CFTR: variants seen among roughly 807,000 people sequenced by gnomAD.
CFTR encodes CF transmembrane conductance regulator, also known as cystic fibrosis transmembrane conductance regulator.
CFTR carries 181 observed loss-of-function variants against 171.6 expected under a neutral mutation model. That is an observed-to-expected ratio of 1.05 (90% CI 0.93 to 1.19). The LOEUF is 1.19. CFTR is among the 50% of genes most tolerant of loss of function. CFTR has a pLI of 0.00. For synonymous variants in CFTR, 583 were observed against 608.0 expected, an observed-to-expected ratio of 0.96 and a Z score of 0.60; for missense variants, 1,968 against 1,734.7, an observed-to-expected ratio of 1.13 and a Z score of -2.39.
intron 21 of CFTR, among the ~76,000 whole-genome samples, chr7:117,623,696 G>A (rs1743261413): frequency 6.6e-6 from 1 of 152,168 alleles, no homozygotes; most frequent in Non-Finnish European, 1.5e-5. Flanking sequence ...TAGACCTACA[G>A]CACTGTCATT....
At chr7:117,523,117 G>T (rs1198372862) in intron 3 of CFTR, among the ~76,000 whole-genome samples, 1 of 152,162 alleles carries the variant, frequency 6.6e-6, no homozygotes, top group Admixed American at 6.5e-5. Context: ...AATAGCTACT[G>T]TTGTTCAAAG....
chr7:117,514,116 G>A (rs1453630317), intron 3 of CFTR, among the ~76,000 whole-genome samples: 1 of 152,086 alleles, frequency 6.6e-6, no homozygotes, highest in East Asian at 1.9e-4. Context: ...ACTTTTGCTA[G>A]ATCTAAGGTG....
intron 21 of CFTR, among the ~76,000 whole-genome samples, chr7:117,623,687 A>G (rs1792613286): frequency 6.6e-6 from 1 of 152,206 alleles, no homozygotes; most frequent in African/African-American, 2.4e-5. Flanking sequence ...TTGCTAATGT[A>G]GACCTACAGC....
In CFTR at chr7:117,638,002, G is replaced by A. The variant is rs1406638055; in HGVS notation, c.3718-4436G>A. On this transcript the variant is annotated intron_variant, in intron 22 of 26. Transcript: ENST00000003084. ...TTCATAAAAGTATAGAAGTCGGCCA[G>A]TGACTTGGACCCACTTGGAATTTTC... is the stretch of plus-strand genomic sequence containing the variant. Among the ~76,000 whole-genome samples, 4 of 152,222 alleles carry A rather than the reference G, an allele frequency of 2.6e-5. No homozygotes were observed. The East Asian group carries it at 5.8e-4, about 22-fold the overall frequency.
chr7:117,612,464 A>C (rs1327976969), intron 20 of CFTR, among the ~76,000 whole-genome samples: 1 of 152,080 alleles, frequency 6.6e-6, no homozygotes, highest in Non-Finnish European at 1.5e-5. Context: ...TTAGTGAAAA[A>C]CAAAGTATTT....
intron 11 of CFTR, among the ~76,000 whole-genome samples, chr7:117,583,453 T>C (rs1256236568): frequency 6.6e-6 from 1 of 152,170 alleles, no homozygotes; most frequent in African/African-American, 2.4e-5. Flanking sequence ...GTTACTTCAT[T>C]TAGAATAAAT....
At chr7:117,484,365 G>A (rs569337004) in intron 1 of CFTR, among the ~76,000 whole-genome samples, 1 of 152,252 alleles carries the variant, frequency 6.6e-6, no homozygotes, top group South Asian at 2.1e-4. Context: ...TCAGTCCATG[G>A]GCAAATGCCA....
Position 117,592,664 on chromosome 7 carries a change from A to T in CFTR, c.2490+7A>T, listed in dbSNP as rs751864459. On this transcript the variant is annotated splice_region_variant and intron_variant, in intron 14 of 26. Coordinates refer to ENST00000003084, the MANE Select transcript of CFTR (RefSeq NM_000492.4). The stretch of plus-strand genomic sequence containing the variant: ...TAACGAAGAAGACTTAAAGGTAGGT[A>T]TACATCGCTTGGGGGTATTTCACCC... 6.6e-7 allele frequency: 1 copy of T among 1,526,406 alleles called. No homozygotes were observed. The highest frequency in any genetic ancestry group is 2.3e-5 in the Admixed American group (1 of 43,726). 94.6% of individuals were successfully genotyped at this position (1,526,406 alleles called of 1,614,324 possible). A position where few individuals can be genotyped will look rare whatever the true frequency, so the allele number is the denominator to read the frequency against.
intron 3 of CFTR, among the ~76,000 whole-genome samples, chr7:117,514,374 G>A (rs1562885444): frequency 6.6e-6 from 1 of 152,030 alleles, no homozygotes; most frequent in Non-Finnish European, 1.5e-5. Context: ...TGTTCTCAAT[G>A]TTCAACTCCC....
chr7:117,493,346 A>G (rs902089831), intron 1 of CFTR, among the ~76,000 whole-genome samples: 3 of 152,014 alleles, frequency 2.0e-5, no homozygotes, highest in East Asian at 1.9e-4. Flanking sequence ...ACTTAGGTAT[A>G]TGTTGCTTTT....
chr7:117,575,106 C>T (rs1584805082), intron 11 of CFTR, among the ~76,000 whole-genome samples: 1 of 152,000 alleles, frequency 6.6e-6, no homozygotes, highest in East Asian at 1.9e-4. Flanking sequence ...ACATATATAT[C>T]TATAGGTGAA....
At chr7:117,604,057 C>T (rs1792268186) in intron 17 of CFTR, among the ~76,000 whole-genome samples, 1 of 152,188 alleles carries the variant, frequency 6.6e-6, no homozygotes, top group Non-Finnish European at 1.5e-5. Context: ...ATGGGTCAGT[C>T]ATACCTCTCT....
rs866222497 is a variant in CFTR at position 117,491,883 on chromosome 7, C to A, written c.53+11736C>A. ...GATAACACTCTTTAGGAGCAGAATGCGATATGGAAGTAATTTGAGACCATA... is the reference window on the plus strand; with the variant it reads ...GATAACACTCTTTAGGAGCAGAATGAGATATGGAAGTAATTTGAGACCATA... On this transcript the variant is annotated intron_variant, in intron 1 of 26. Coordinates refer to ENST00000003084, the MANE Select transcript of CFTR (RefSeq NM_000492.4). Among the ~76,000 whole-genome samples the A allele has an allele frequency of 2.6e-5, 4 of 151,800 alleles. No homozygotes were observed. In the South Asian group the frequency reaches 8.3e-4, roughly 32 times the overall value.
At chr7:117,567,132 T>C (rs1484108809) in intron 11 of CFTR, among the ~76,000 whole-genome samples, 2 of 152,228 alleles carry the variant, frequency 1.3e-5, no homozygotes, top group East Asian at 1.9e-4. Context: ...AAAGCCATAC[T>C]GTATCATGAC....
chr7:117,600,737 T>C (rs1792210238), intron 15 of CFTR, among the ~76,000 whole-genome samples: 1 of 152,072 alleles, frequency 6.6e-6, no homozygotes, highest in African/African-American at 2.4e-5. Context: ...CTTAAAGCCC[T>C]GAGAAAATGG....
intron 24 of CFTR, among the ~76,000 whole-genome samples, chr7:117,661,065 C>T (rs1198144645): frequency 2.0e-5 from 3 of 152,170 alleles, no homozygotes; most frequent in Non-Finnish European, 4.4e-5. Context: ...TAACTTTGTA[C>T]TTTTCAAAAA....
At chr7:117,490,536 A>G (rs1042384303) in intron 1 of CFTR, among the ~76,000 whole-genome samples, 5 of 151,976 alleles carry the variant, frequency 3.3e-5, no homozygotes, top group African/African-American at 1.2e-4. Flanking sequence ...CAGGCCTTCA[A>G]CCGATTGGAT....
rs184271150 is a variant in CFTR, at chr7:117,652,828, C to A, written c.3874-14C>A. ...GTTATTCATACTTTCTTCTTCTTTT[C>A]TTTTTTGCTATAGAAAGTATTTATT... On this transcript the variant is annotated splice_polypyrimidine_tract_variant and intron_variant, in intron 23 of 26. Transcript: ENST00000003084. The A allele has an allele frequency of 3.1e-6, 4 of 1,270,086 alleles. No individual in the cohort carries two copies. The African/African-American group carries it at 5.9e-5, about 19-fold the overall frequency. The allele number at this position is 1,270,086 out of a possible 1,614,324, so 78.7% of individuals were successfully genotyped here. A position where few individuals can be genotyped will look rare whatever the true frequency, so the allele number is the denominator to read the frequency against.
At chr7:117,608,354 A>G (rs1397213620) in intron 18 of CFTR, among the ~76,000 whole-genome samples, 5 of 152,200 alleles carry the variant, frequency 3.3e-5, no homozygotes, top group African/African-American at 7.2e-5. Context: ...ACAGGCGCGC[A>G]CCACCATGCC....
Sources: gnomAD v4.1 joint callset for allele counts (sites outside exome capture counted in the v4.1 genomes callset) on GRCh38, gnomAD v4.1.1 for gene constraint, MANE v1.5 for transcripts, NCBI Gene and HGNC (gene_info 2026-07-23, HGNC 2026-07-21) for gene names.